FLACC1: variants seen among roughly 807,000 people sequenced by gnomAD.
FLACC1 encodes the protein flagellum associated containing coiled-coil domains 1, also known as flagellum-associated coiled-coil domain-containing protein 1.
In FLACC1, 66 loss-of-function variants were observed where a neutral mutation model predicts 62.8. The observed-to-expected ratio is 1.05, with a 90% CI of 0.86 to 1.29. The LOEUF is 1.29. FLACC1 is among the 50% of genes most tolerant of loss of function. The pLI is 0.00. For synonymous variants in FLACC1, 156 were observed against 161.0 expected, an observed-to-expected ratio of 0.97 and a Z score of 0.24; for missense variants, 452 against 489.1, an observed-to-expected ratio of 0.92 and a Z score of 0.71.
intron 4 of FLACC1, among the ~76,000 whole-genome samples, chr2:201,347,159 G>T (rs945370934): frequency 2.0e-5 from 3 of 152,232 alleles, no homozygotes; most frequent in Non-Finnish European, 4.4e-5. Context: ...TGACTAGGAC[G>T]GTTGCAAACA....
chr2:201,344,754 G>C (rs1379441257), intron 5 of FLACC1, among the ~76,000 whole-genome samples: 1 of 152,172 alleles, frequency 6.6e-6, no homozygotes, highest in African/African-American at 2.4e-5. Flanking sequence ...TGTGTTTCTG[G>C]GTCTAAGGCT....
At chr2:201,303,841 T>G (rs1341542186) in intron 11 of FLACC1, among the ~76,000 whole-genome samples, 1 of 152,146 alleles carries the variant, frequency 6.6e-6, no homozygotes, top group Non-Finnish European at 1.5e-5. Flanking sequence ...CATGATTATC[T>G]CAATAGATGC....
chr2:201,313,737 C>T (rs138965349), intron 9 of FLACC1, among the ~76,000 whole-genome samples: 83 of 152,302 alleles, frequency 5.4e-4, no homozygotes, highest in Non-Finnish European at 1.1e-3. Context: ...AGCATCATCT[C>T]CTGGCAGGAG....
intron 12 of FLACC1, among the ~76,000 whole-genome samples, chr2:201,298,044 G>T (rs1949902626): frequency 6.6e-6 from 1 of 152,150 alleles, no homozygotes; most frequent in Non-Finnish European, 1.5e-5. Flanking sequence ...AGTGATGTAG[G>T]GAAGAAATAG....
intron 3 of FLACC1, 47 bp downstream of exon 3, chr2:201,350,664 G>C (rs746205185): frequency 3.3e-5 from 23 of 691,252 alleles, no homozygotes; most frequent in Non-Finnish European, 5.4e-5. Flanking sequence ...CTGGGCAACA[G>C]AGTGAGACTC....
intron 9 of FLACC1, among the ~76,000 whole-genome samples, chr2:201,322,276 GA>G (rs888076773): frequency 4.2e-5 from 6 of 141,302 alleles, no homozygotes; most frequent in African/African-American, 1.0e-4. Context: ...AAAAAAAAAA[GA>G]AAAAAAAAAC....
chr2:201,302,301 CT>C (rs984360091), intron 11 of FLACC1, among the ~76,000 whole-genome samples: 18 of 152,220 alleles, frequency 1.2e-4, no homozygotes, highest in African/African-American at 3.9e-4. Flanking sequence ...ATAAAACAGA[CT>C]TTAAACCAGC....
chr2:201,351,259 C>A (rs781438056), intron 2 of FLACC1, 33 bp downstream of exon 2: 1 of 1,522,610 alleles, frequency 6.6e-7, no homozygotes, highest in South Asian at 1.1e-5. Context: ...ATCCCAAGGT[C>A]CCTGTGCCTA....
At chr2:201,312,695 A>G (rs1488900261) in intron 9 of FLACC1, among the ~76,000 whole-genome samples, 1 of 152,124 alleles carries the variant, frequency 6.6e-6, no homozygotes, top group Non-Finnish European at 1.5e-5. Context: ...GGCTACAGAG[A>G]TGGTGGACGG....
chr2:201,330,202 G>A (rs1458597034), intron 9 of FLACC1, among the ~76,000 whole-genome samples: 10 of 152,080 alleles, frequency 6.6e-5, no homozygotes, highest in Admixed American at 6.6e-4. Context: ...ATTTCTTTTT[G>A]CTCCATTACA....
At chr2:201,310,641 C>T (rs1457544251) in intron 9 of FLACC1, among the ~76,000 whole-genome samples, 2 of 152,076 alleles carry the variant, frequency 1.3e-5, no homozygotes, top group African/African-American at 2.4e-5. Context: ...TCTGAGATGA[C>T]GGGAGCACTC....
At chr2:201,296,939 C>T (rs545753906) in intron 12 of FLACC1, among the ~76,000 whole-genome samples, 25 of 152,126 alleles carry the variant, frequency 1.6e-4, no homozygotes, top group African/African-American at 6.0e-4. Flanking sequence ...ATACTACAGT[C>T]GTGTAGGTGA....
chr2:201,330,678 T>C (rs1413891371), intron 8 of FLACC1, 58 bp downstream of exon 8: 2 of 1,583,176 alleles, frequency 1.3e-6, no homozygotes, highest in Non-Finnish European at 1.7e-6. Context: ...AGAAGCTTAT[T>C]AGAAATGCCA....
intron 9 of FLACC1, among the ~76,000 whole-genome samples, chr2:201,321,105 A>G (rs138997106): frequency 7.2e-5 from 11 of 152,346 alleles, no homozygotes; most frequent in Middle Eastern, 3.4e-3. Context: ...CACTAAGGCT[A>G]TCAATAACCA....
At chr2:201,291,528 G>A (rs1433153428) in intron 12 of FLACC1, among the ~76,000 whole-genome samples, 4 of 152,318 alleles carry the variant, frequency 2.6e-5, no homozygotes, top group East Asian at 3.9e-4. Flanking sequence ...CCATCTGTAC[G>A]TCACTGTCAT....
rs1422059406 is a variant in FLACC1, at chr2:201,324,571, A to G, written c.675+5899T>C. 2.0e-5 allele frequency among the ~76,000 whole-genome samples: 3 copies of G among 152,208 alleles called. No individual in the cohort carries two copies. The East Asian group carries it at 5.8e-4, about 29-fold the overall frequency. On this transcript the variant is annotated intron_variant, in intron 9 of 14. Coordinates refer to ENST00000392257, the MANE Select transcript of FLACC1 (RefSeq NM_001127391.3). ...TAGAATGTATGTTCTTCTCATTGGT[A>G]CATAGAACAGTCTCTAAGATAGGCC... is the stretch of plus-strand genomic sequence containing the variant.
chr2:201,293,017 T>G (rs1297148906), intron 12 of FLACC1, among the ~76,000 whole-genome samples: 1 of 152,186 alleles, frequency 6.6e-6, no homozygotes, highest in Non-Finnish European at 1.5e-5. Context: ...GCCAGATTCA[T>G]AAAGTAAGTC....
chr2:201,289,794 G>A lies in FLACC1; in HGVS notation c.943-9C>T, dbSNP rs1292921748. On this transcript the variant is annotated splice_polypyrimidine_tract_variant and intron_variant, in intron 12 of 14. Coordinates refer to ENST00000392257, the MANE Select transcript of FLACC1 (RefSeq NM_001127391.3). ...AATTCTTCCTGCATGACCTGCATAA[G>A]AAGAAGCTGTTGCAGGACATCATGC... The A allele has an allele frequency of 1.1e-5, 18 of 1,614,092 alleles. No individual in the cohort carries two copies. Among genetic ancestry groups the A allele is most frequent in the Non-Finnish European group, 1.5e-5 (18 of 1,180,048 alleles).
At chr2:201,332,866 AT>A (rs1210224858) in intron 7 of FLACC1, among the ~76,000 whole-genome samples, 1 of 152,162 alleles carries the variant, frequency 6.6e-6, no homozygotes, top group East Asian at 1.9e-4. Flanking sequence ...AGTTCCATCC[AT>A]GTTGTCACAA....
Sources: gnomAD v4.1 joint callset for allele counts (sites outside exome capture counted in the v4.1 genomes callset) on GRCh38, gnomAD v4.1.1 for gene constraint, MANE v1.5 for transcripts, NCBI Gene and HGNC (gene_info 2026-07-23, HGNC 2026-07-21) for gene names.